KCNQ1: variants seen among roughly 807,000 people sequenced by gnomAD.
The protein encoded by KCNQ1 is potassium voltage-gated channel subfamily KQT member 1.
Under a neutral mutation model 72.4 loss-of-function variants are expected in KCNQ1, and 49 were observed. The ratio of observed to expected loss-of-function variants is 0.68; its 90% CI spans 0.54 to 0.86. KCNQ1 has a LOEUF of 0.86. KCNQ1 is among the 40% of genes least tolerant of loss of function. The pLI, the probability that KCNQ1 is intolerant of heterozygous loss-of-function variation, is 0.00. For missense variants in KCNQ1, 790 were observed against 945.1 expected, an observed-to-expected ratio of 0.84 and a Z score of 2.15; for synonymous variants, 450 against 412.6, an observed-to-expected ratio of 1.09 and a Z score of -1.10.
In KCNQ1 at chr11:2,468,648, T is replaced by C. The variant is rs575340118; in HGVS notation, c.386+23164T>C. On this transcript the variant is annotated intron_variant, in intron 1 of 15. Transcript: ENST00000155840. This position sits in a 1 kb window ranked among gnomAD's most constrained non-coding sequence, Gnocchi z 5.7. ...GCACGATGGATGGGCTTGTGCCTTG[T>C]GGAATTTTATTTGGATGGACTCTGG... 6.6e-6 allele frequency among the ~76,000 whole-genome samples: 1 copy of C among 152,254 alleles called. No individual in the cohort carries two copies. The highest frequency in any genetic ancestry group is 2.4e-5 in the African/African-American group (1 of 41,546).
intron 2 of KCNQ1, among the ~76,000 whole-genome samples, chr11:2,533,017 G>C (rs1341026456): frequency 6.6e-6 from 1 of 152,052 alleles, no homozygotes; most frequent in African/African-American, 2.4e-5. Flanking sequence ...GGAGTGCTGA[G>C]CGCGGGGAGC....
In KCNQ1 at chr11:2,767,474, C is replaced by G. The variant is rs1846520131; in HGVS notation, c.1515-1370C>G. Reference sequence around the variant, plus strand: ...CAAGTATTTAAGGCTGTTGGAAGTACCACACCTTTAGATCTGTATGATCTC... The same window carrying G: ...CAAGTATTTAAGGCTGTTGGAAGTAGCACACCTTTAGATCTGTATGATCTC... On this transcript the variant is annotated intron_variant, in intron 11 of 15. Coordinates refer to ENST00000155840, the MANE Select transcript of KCNQ1 (RefSeq NM_000218.3). The surrounding 1 kb of genome is among the most constrained non-coding windows in gnomAD (Gnocchi z 4.6). Among the ~76,000 whole-genome samples, 1 of 152,300 alleles carries G rather than the reference C, an allele frequency of 6.6e-6. No individual in the cohort carries two copies. Among genetic ancestry groups the G allele is most frequent in the East Asian group, 1.9e-4 (1 of 5,178 alleles).
rs1343498313 is a variant in KCNQ1, at chr11:2,603,753, C to T, written c.1393+14899C>T. On this transcript the variant is annotated intron_variant, in intron 10 of 15. Coordinates refer to ENST00000155840, the MANE Select transcript of KCNQ1 (RefSeq NM_000218.3). The surrounding 1 kb of genome is among the most constrained non-coding windows in gnomAD (Gnocchi z 4.1). ...TCGCCCAGGCTGGAGTGCAGTGGCG[C>T]GATGTCGGCTCACTGCAACCTCCGC... Among the ~76,000 whole-genome samples, 6 of 151,868 alleles carry T rather than the reference C, an allele frequency of 4.0e-5. No individual in the cohort carries two copies. The highest frequency in any genetic ancestry group is 1.2e-4 in the African/African-American group (5 of 41,320).
intron 10 of KCNQ1, chr11:2,638,722 G>A (rs1170245648): frequency 1.3e-5 from 2 of 152,176 alleles, no homozygotes; most frequent in Non-Finnish European, 2.9e-5. Context: ...ATGTTGGCCT[G>A]CCTTGCTAGG....
chr11:2,836,947 A>G (rs901864291), intron 15 of KCNQ1, among the ~76,000 whole-genome samples: 1 of 151,902 alleles, frequency 6.6e-6, no homozygotes, highest in Non-Finnish European at 1.5e-5. Flanking sequence ...ACCATGAAAA[A>G]CCCTGTACAC....
intron 7 of KCNQ1, among the ~76,000 whole-genome samples, chr11:2,584,585 G>A (rs1848563439): frequency 6.6e-6 from 1 of 151,582 alleles, no homozygotes; most frequent in Non-Finnish European, 1.5e-5. Context: ...GTTTGTGTGT[G>A]TTTGTGGGTT....
chr11:2,666,555 T>C, intron 11 of KCNQ1: 2 of 398,670 alleles, frequency 5.0e-6, no homozygotes, highest in Non-Finnish European at 4.4e-6. Context: ...TCTCCTGAAT[T>C]CTGCATTTGT....
chr11:2,526,964 T>C lies in KCNQ1; in HGVS notation c.387-964T>C, dbSNP rs1384289879. Among the ~76,000 whole-genome samples the C allele has an allele frequency of 6.6e-6, 1 of 152,036 alleles. No individual in the cohort carries two copies. Among genetic ancestry groups the C allele is most frequent in the Non-Finnish European group, 1.5e-5 (1 of 67,970 alleles). On this transcript the variant is annotated intron_variant, in intron 1 of 15. Coordinates refer to ENST00000155840, the MANE Select transcript of KCNQ1 (RefSeq NM_000218.3). The surrounding 1 kb of genome is among the most constrained non-coding windows in gnomAD (Gnocchi z 6.1). ...GGCCATCTCCTGGCTCTCCGGTCGC[T>C]GAGGATCCACGGGGGTCCCTGGAGT...
chr11:2,652,821 G>T lies in KCNQ1; in HGVS notation c.1394-9140G>T. ...CCCTTGGGCCTGCAGAGACATTTCC[G>T]TTCACTCTGAGATTTGTGTATGCTG... is the stretch of plus-strand genomic sequence containing the variant. On this transcript the variant is annotated intron_variant, in intron 10 of 15. Transcript: ENST00000155840. The surrounding 1 kb of genome is among the most constrained non-coding windows in gnomAD (Gnocchi z 5.9). 2.5e-6 allele frequency: 1 copy of T among 398,966 alleles called. No individual in the cohort carries two copies. Among genetic ancestry groups the T allele is most frequent in the Non-Finnish European group, 4.4e-6 (1 of 226,404 alleles). 24.7% of individuals were successfully genotyped at this position (398,966 alleles called of 1,614,324 possible).
At chr11:2,628,113 C>G in intron 10 of KCNQ1, 1 of 398,530 alleles carries the variant, frequency 2.5e-6, no homozygotes, top group Non-Finnish European at 4.4e-6. Flanking sequence ...GTGCAGATAC[C>G]TCTTCAAGAT....
chr11:2,659,857 T>C lies in KCNQ1; in HGVS notation c.1394-2104T>C, dbSNP rs1849919320. The C allele has an allele frequency of 2.5e-6, 1 of 398,328 alleles. No homozygotes were observed. 24.7% of individuals were successfully genotyped at this position (398,328 alleles called of 1,614,324 possible). A position where few individuals can be genotyped will look rare whatever the true frequency, so the allele number is the denominator to read the frequency against. On this transcript the variant is annotated intron_variant, in intron 10 of 15. Coordinates refer to ENST00000155840, the MANE Select transcript of KCNQ1 (RefSeq NM_000218.3). This position sits in a 1 kb window ranked among gnomAD's most constrained non-coding sequence, Gnocchi z 4.3. Reference sequence around the variant, plus strand: ...TATGTTAATTATGTATCTTTTCATGTGCTTATTTATAATCCATTTTTAAAA... The same window carrying C: ...TATGTTAATTATGTATCTTTTCATGCGCTTATTTATAATCCATTTTTAAAA...
At chr11:2,533,486 G>C (rs574759167) in intron 2 of KCNQ1, among the ~76,000 whole-genome samples, 2 of 152,258 alleles carry the variant, frequency 1.3e-5, no homozygotes, top group Non-Finnish European at 2.9e-5. Context: ...GTGTGCACGT[G>C]TGTACGTACG....
rs1018993991 is a variant in KCNQ1 at position 2,547,745 on chromosome 11, C to G, written c.477+19727C>G. On this transcript the variant is annotated intron_variant, in intron 2 of 15. Transcript: ENST00000155840. This position sits in a 1 kb window ranked among gnomAD's most constrained non-coding sequence, Gnocchi z 4.2. ...ACAACCTTGGGTGGACTACTGACTACTTCGCGGGTAAGAAATGGTGAGTGG... is the reference window on the plus strand; with the variant it reads ...ACAACCTTGGGTGGACTACTGACTAGTTCGCGGGTAAGAAATGGTGAGTGG... 6.6e-6 allele frequency among the ~76,000 whole-genome samples: 1 copy of G among 152,204 alleles called. No homozygotes were observed. Among genetic ancestry groups the G allele is most frequent in the Non-Finnish European group, 1.5e-5 (1 of 68,046 alleles).
At position 2,657,764 on chromosome 11, in the gene KCNQ1, C is replaced by G. The variant is rs1191045743; in HGVS notation, c.1394-4197C>G. 3 of 398,450 alleles carry G rather than the reference C, an allele frequency of 7.5e-6. No homozygotes were observed. Among genetic ancestry groups the G allele is most frequent in the Non-Finnish European group, 1.3e-5 (3 of 226,060 alleles). The allele number at this position is 398,450 out of a possible 1,614,324, so 24.7% of individuals were successfully genotyped here. On this transcript the variant is annotated intron_variant, in intron 10 of 15. Coordinates refer to ENST00000155840, the MANE Select transcript of KCNQ1 (RefSeq NM_000218.3). The surrounding 1 kb of genome is among the most constrained non-coding windows in gnomAD (Gnocchi z 4.8). ...TGACGGGCTTCTCAGTCTTGTTCTTCATTAACTTGACACTTTTGAAGAATA... is the reference window on the plus strand; with the variant it reads ...TGACGGGCTTCTCAGTCTTGTTCTTGATTAACTTGACACTTTTGAAGAATA...
rs796223106 is a variant in KCNQ1 at position 2,544,293 on chromosome 11, T to TATGTAC, written c.477+16275_477+16276insATGTAC. Among the ~76,000 whole-genome samples the TATGTAC allele has an allele frequency of 7.3e-6, 1 of 136,540 alleles. No individual in the cohort carries two copies. 89.6% of individuals were successfully genotyped at this position (136,540 alleles called of 152,430 possible). The stretch of plus-strand genomic sequence containing the variant: ...GTGTATATATATGTGTATATATATA[T>TATGTAC]GTATATATGTGTATATATGTATATA... On this transcript the variant is annotated intron_variant, in intron 2 of 15. Coordinates refer to ENST00000155840, the MANE Select transcript of KCNQ1 (RefSeq NM_000218.3). The surrounding 1 kb of genome is among the most constrained non-coding windows in gnomAD (Gnocchi z 4.4).
At chr11:2,821,747 A>G (rs1440912045) in intron 15 of KCNQ1, among the ~76,000 whole-genome samples, 1 of 151,936 alleles carries the variant, frequency 6.6e-6, no homozygotes, top group African/African-American at 2.4e-5. Flanking sequence ...CCTGGCTGCT[A>G]TGTACTGGTC....
At chr11:2,684,866 G>C (rs1850456987) in intron 11 of KCNQ1, 2 of 398,574 alleles carry the variant, frequency 5.0e-6, no homozygotes, top group African/African-American at 4.1e-5. Context: ...GGAGTCTGCT[G>C]AGACAAAAGT....
At chr11:2,740,727 C>A (rs1260687832) in intron 11 of KCNQ1, among the ~76,000 whole-genome samples, 4 of 152,234 alleles carry the variant, frequency 2.6e-5, no homozygotes, top group Admixed American at 2.0e-4. Flanking sequence ...CTAGGGGCGC[C>A]CACATCCCTT....
intron 1 of KCNQ1, among the ~76,000 whole-genome samples, chr11:2,453,919 G>A (rs1195367055): frequency 6.6e-6 from 1 of 152,186 alleles, no homozygotes; most frequent in Non-Finnish European, 1.5e-5. Context: ...CTCTTATTAT[G>A]AAGTGATTAT....
Sources: allele counts gnomAD v4.1 joint callset (sites outside exome capture counted in the v4.1 genomes callset), GRCh38; gene constraint gnomAD v4.1.1; non-coding constraint Gnocchi (gnomAD v3.1); transcripts MANE v1.5; gene names NCBI Gene and HGNC (gene_info 2026-07-23, HGNC 2026-07-21).